PZP: variants seen among roughly 807,000 people sequenced by gnomAD.
PZP encodes the protein PZP alpha-2-macroglobulin like, also known as pregnancy zone protein.
PZP carries 150 observed loss-of-function variants against 179.8 expected under a neutral mutation model. That is an observed-to-expected ratio of 0.83 (90% CI 0.73 to 0.96). The LOEUF is 0.96. PZP is among the 40% of genes least tolerant of loss of function. PZP has a pLI of 0.00. For synonymous variants in PZP, 624 were observed against 652.3 expected (o/e 0.96, Z 0.66); for missense variants, 1,689 against 1,764.0 (o/e 0.96, Z 0.76).
At chr12:9,202,029 G>A (rs377623539) in intron 4 of PZP, among the ~76,000 whole-genome samples, 1 of 152,080 alleles carries the variant, frequency 6.6e-6, no homozygotes, top group Non-Finnish European at 1.5e-5. Flanking sequence ...AGTATGAATA[G>A]GAATAGTGCC....
chr12:9,140,826 T>C, the PZP span, among the ~76,000 whole-genome samples: 2 of 152,178 alleles, frequency 1.3e-5, no homozygotes, highest in African/African-American at 2.4e-5. Flanking sequence ...ATGAGGCCAG[T>C]TTCCCGAGAG....
chr12:9,142,617 A>G, the PZP span, among the ~76,000 whole-genome samples: 1 of 152,198 alleles, frequency 6.6e-6, no homozygotes, highest in African/African-American at 2.4e-5. Flanking sequence ...TTAAATAGAC[A>G]TTGCACACCT....
At chr12:9,191,486 A>T (rs1943453294) in intron 13 of PZP, among the ~76,000 whole-genome samples, 1 of 152,102 alleles carries the variant, frequency 6.6e-6, no homozygotes, top group South Asian at 2.1e-4. Context: ...CAAAACTGAA[A>T]AATAAAAATT....
chr12:9,192,452 C>T, intron 12 of PZP, 60 bp downstream of exon 12: 3 of 1,482,442 alleles, frequency 2.0e-6, no homozygotes, highest in South Asian at 2.3e-5. Flanking sequence ...ATTCCTGAGC[C>T]TATTGACCAC....
intron 34 of PZP, 130 bp from the exon 35 acceptor site, chr12:9,149,732 A>G: frequency 1.4e-6 from 1 of 734,424 alleles, no homozygotes; most frequent in Non-Finnish European, 2.2e-6. Context: ...TCATGTAAAT[A>G]GACAAGAATT....
chr12:9,142,511 A>G, the PZP span, among the ~76,000 whole-genome samples: 4 of 152,240 alleles, frequency 2.6e-5, no homozygotes, highest in African/African-American at 9.6e-5. Flanking sequence ...TAAAGATTAA[A>G]GTCACGTGAA....
chr12:9,162,482 T>C, intron 22 of PZP, 115 bp downstream of exon 22: 1 of 760,328 alleles, frequency 1.3e-6, no homozygotes, highest in Non-Finnish European at 2.2e-6. Flanking sequence ...AGTATTATGC[T>C]GACTTTCATG....
chr12:9,194,544 A>C (rs1422403421), intron 10 of PZP, among the ~76,000 whole-genome samples: 45 of 149,266 alleles, frequency 3.0e-4, no homozygotes, highest in Non-Finnish European at 4.6e-4. Context: ...GGCTCACTGC[A>C]AGCTCTGCCT....
chr12:9,143,155 A>T, the PZP span, among the ~76,000 whole-genome samples: 2 of 152,208 alleles, frequency 1.3e-5, no homozygotes, highest in Admixed American at 1.3e-4. Context: ...AGTTAAATTA[A>T]AGGATTGGGT....
intron 10 of PZP, 126 bp downstream of exon 10, chr12:9,196,204 T>A (rs1252352203): frequency 3.5e-6 from 2 of 576,682 alleles, no homozygotes; most frequent in African/African-American, 3.7e-5. Flanking sequence ...TATTTCTCCT[T>A]GGTTTCATGG....
At chr12:9,156,708 G>A (rs1940781508) in intron 28 of PZP, among the ~76,000 whole-genome samples, 1 of 152,176 alleles carries the variant, frequency 6.6e-6, no homozygotes, top group African/African-American at 2.4e-5. Flanking sequence ...TGCAATCCCA[G>A]AGAAGACAGT....
At chr12:9,157,095 G>C (rs1004624808) in intron 28 of PZP, 80 bp downstream of exon 28, 13 of 1,385,750 alleles carry the variant, frequency 9.4e-6, no homozygotes, top group Non-Finnish European at 1.3e-5. Context: ...GCACCTCCCA[G>C]ACAGGCCCCA....
intron 26 of PZP, 56 bp downstream of exon 26, chr12:9,158,364 C>T: frequency 1.3e-6 from 2 of 1,598,414 alleles, no homozygotes; most frequent in Middle Eastern, 3.5e-4. Flanking sequence ...TCCCTTCACC[C>T]CTGGGGGATG....
rs772068505 is a variant in PZP, at chr12:9,181,985, A to G, written c.1679T>C (p.Leu560Pro). The G allele has an allele frequency of 1.2e-6, 2 of 1,613,700 alleles. No homozygotes were observed. The highest frequency in any genetic ancestry group is 1.7e-6 in the Non-Finnish European group (2 of 1,179,768). Residue 560 changes from leucine (L) to proline (P), a missense_variant, in exon 14 of 36, where the codon CTA (leucine) becomes CCA (proline). Around this residue, in one of 3 missense-constraint regions of PZP, gnomAD observed 742 missense variants for 730.5 expected, o/e 1.02. Transcript: ENST00000261336. ...DSEKFEIENC[L>P]ANKVDLSFSP... Reference sequence around the variant, plus strand: ...TGTTAAATCGCTCACCTTGTTGGCTAGACAGTTTTCAATCTCAAATTTTTC... The same window carrying G: ...TGTTAAATCGCTCACCTTGTTGGCTGGACAGTTTTCAATCTCAAATTTTTC...
intron 27 of PZP, 38 bp downstream of exon 27, chr12:9,157,729 G>A: frequency 6.3e-7 from 1 of 1,576,292 alleles, no homozygotes; most frequent in Non-Finnish European, 8.7e-7. Flanking sequence ...CAAATCTACA[G>A]TTTTCATGGT....
At chr12:9,207,887 A>G (rs949804568) in intron 1 of PZP, among the ~76,000 whole-genome samples, 2 of 152,190 alleles carry the variant, frequency 1.3e-5, no homozygotes, top group African/African-American at 2.4e-5. Context: ...TAAAGGAGCT[A>G]TACTTTCTGT....
chr12:9,144,338 G>C (rs951074606), downstream of PZP, among the ~76,000 whole-genome samples: 1 of 152,196 alleles, frequency 6.6e-6, no homozygotes, highest in Non-Finnish European at 1.5e-5. Context: ...GAGCCTCACA[G>C]TTCCCTTCAG....
Position 9,197,211 on chromosome 12 carries a change from T to G in PZP, c.756-88A>C, listed in dbSNP as rs1056180060. ...TCCACAGAACTGTCCCTCTTTAGAGTTGCCTACACATCTTTATCATCTGGG... is the reference window on the plus strand; with the variant it reads ...TCCACAGAACTGTCCCTCTTTAGAGGTGCCTACACATCTTTATCATCTGGG... On this transcript the variant is annotated intron_variant, in intron 7 of 35. Coordinates refer to ENST00000261336, the MANE Select transcript of PZP (RefSeq NM_002864.3). The G allele has an allele frequency of 9.2e-6, 8 of 868,536 alleles. No homozygotes were observed. The African/African-American group carries it at 1.0e-4, about 11-fold the overall frequency. The allele number at this position is 868,536 out of a possible 1,614,324, so 53.8% of individuals were successfully genotyped here. A position where few individuals can be genotyped will look rare whatever the true frequency, so the allele number is the denominator to read the frequency against.
Position 9,193,025 on chromosome 12 carries a change from TAACTC to T in PZP, c.1255-291_1255-287del, listed in dbSNP as rs1180439485. On this transcript the variant is annotated intron_variant, in intron 11 of 35. Coordinates refer to ENST00000261336, the MANE Select transcript of PZP (RefSeq NM_002864.3). ...CTAGAGGAAAAATGAGAATGATAAA[TAACTC>T]AAACAAGTGGAAAAGGGATTTTTCA... 5.9e-5 allele frequency among the ~76,000 whole-genome samples: 9 copies of T among 152,306 alleles called. No homozygotes were observed. In the East Asian group the frequency reaches 1.7e-3, roughly 29 times the overall value.
Sources: allele counts gnomAD v4.1 joint callset (sites outside exome capture counted in the v4.1 genomes callset), GRCh38; gene constraint gnomAD v4.1.1; regional missense constraint gnomAD v4.1.1; transcripts MANE v1.5; gene names NCBI Gene and HGNC (gene_info 2026-07-23, HGNC 2026-07-21).